The following NCBP1 variants were observed in gnomAD, a reference collection of about 807,000 sequenced individuals.
NCBP1 encodes nuclear cap-binding protein subunit 1.
A neutral mutation model predicts 111.7 loss-of-function variants in NCBP1; 16 were observed. The observed-to-expected ratio is 0.14, with a 90% confidence interval of 0.10 to 0.22. The LOEUF (loss-of-function observed/expected upper bound fraction) is 0.22, where lower values mean the gene tolerates loss of function less well. Ranked by LOEUF, NCBP1 falls within the 10% of genes least tolerant of loss-of-function variation. The pLI, the probability that NCBP1 is intolerant of heterozygous loss-of-function variation, is 1.00. For missense variants in NCBP1, 607 were observed against 957.5 expected, an observed-to-expected ratio of 0.63 and a Z score of 4.83; for synonymous variants, 304 against 314.3, an observed-to-expected ratio of 0.97 and a Z score of 0.35.
Position 97,652,089 on chromosome 9 carries a change from C to T in NCBP1, c.1059+716C>T, listed in dbSNP as rs375639205. Among the ~76,000 whole-genome samples, 18 of 152,260 alleles carry T rather than the reference C, an allele frequency of 1.2e-4. No homozygotes were observed. The East Asian group carries it at 1.4e-3, about 11-fold the overall frequency. ...CGTGATCTTGGCTCACTGCAGCCTC[C>T]GCCTCCGGGGTTCAAGCAATTCTTC... is the stretch of plus-strand genomic sequence containing the variant. On this transcript the variant is annotated intron_variant, in intron 10 of 22. Coordinates refer to ENST00000375147, the MANE Select transcript of NCBP1 (RefSeq NM_002486.5).
Position 97,669,623 on chromosome 9 carries a change from G to C in NCBP1, c.2176G>C (p.Val726Leu), listed in dbSNP as rs1310373726. 4 of 1,612,424 alleles carry C rather than the reference G, an allele frequency of 2.5e-6. No individual in the cohort carries two copies. The highest frequency in any genetic ancestry group is 1.7e-6 in the Non-Finnish European group (2 of 1,178,580). The change falls in exon 22 of 23, where the codon GTA becomes CTA. Residue 726 changes from valine to leucine, a missense_variant. Transcript: ENST00000375147. ...TATCATGATCTTGACCGAGCACCTA[G>C]TACGATGCGAAACTGATGGGACCAG... ...RFIMILTEHL[V>L]RCETDGTSVL...
intron 8 of NCBP1, among the ~76,000 whole-genome samples, chr9:97,648,641 T>G (rs1360938285): frequency 2.0e-5 from 3 of 152,226 alleles, no homozygotes; most frequent in South Asian, 4.1e-4. Flanking sequence ...GATTAAATTA[T>G]TCACATGTAA....
intron 14 of NCBP1, 118 bp from the exon 15 acceptor site, chr9:97,658,522 T>G: frequency 1.3e-6 from 1 of 759,416 alleles, no homozygotes; most frequent in Non-Finnish European, 2.2e-6. Context: ...TCCCTTTCAC[T>G]TCTTGGTTGT....
intron 4 of NCBP1, among the ~76,000 whole-genome samples, chr9:97,644,048 G>T (rs1827270383): frequency 6.6e-6 from 1 of 152,138 alleles, no homozygotes; most frequent in Admixed American, 6.6e-5. Flanking sequence ...TTCAGGAAGT[G>T]AATATTAAGA....
Position 97,668,989 on chromosome 9 carries a change from G to GATACATTTAT in NCBP1, c.2145+16_2145+17insTACATTTATA. ...TTATATTTCAGGTATCTTGGCTTGGGACATTTATACATAAAAGGAAACAAT... is the reference window on the plus strand; with the variant it reads ...TTATATTTCAGGTATCTTGGCTTGGGATACATTTATACATTTATACATAAAAGGAAACAAT... On this transcript the variant is annotated intron_variant, in intron 21 of 22. Coordinates refer to ENST00000375147, the MANE Select transcript of NCBP1 (RefSeq NM_002486.5). 6.3e-7 allele frequency: 1 copy of GATACATTTAT among 1,595,048 alleles called. No homozygotes were observed. Among genetic ancestry groups the GATACATTTAT allele is most frequent in the Middle Eastern group, 1.7e-4 (1 of 5,972 alleles).
chr9:97,664,981 C>T (rs73498399), intron 19 of NCBP1, among the ~76,000 whole-genome samples: 1,536 of 152,256 alleles, frequency 0.01, 26 homozygotes, highest in African/African-American at 0.035. Context: ...TTCCCCCTAA[C>T]GGAAAGAAAG....
At position 97,641,616 on chromosome 9, in the gene NCBP1, G is replaced by T; in HGVS notation, c.178G>T (p.Asp60Tyr). 1.2e-6 allele frequency: 2 copies of T among 1,609,842 alleles called. No individual in the cohort carries two copies. The highest frequency in any genetic ancestry group is 2.2e-5 in the South Asian group (2 of 90,944). The change falls in exon 3 of 23, where the codon GAT becomes TAT. Residue 60 changes from aspartate (D) to tyrosine (Y), a missense_variant. Transcript: ENST00000375147. ...LEGLAGVLEA[D>Y]LPNYKSKILR... ...AGGCTTGGCTGGTGTTTTGGAAGCT[G>T]ATCTTCCTAACTACAAGAGCAAGAT...
rs1310351646 is a variant in NCBP1, at chr9:97,666,870, A to G, written c.2009A>G (p.His670Arg). ...GCTAAAGAGAAACTTGCTAGGCAAC[A>G]CAAACGGGTAAGTTTTGTGTAAACT... ...EEAKEKLARQ[H>R]KRRSDDDDRS... Residue 670 changes from histidine (H) to arginine (R), a missense_variant, in exon 20 of 23, where the codon CAC becomes CGC. By Grantham distance (29) the His-to-Arg change is conservative. Coordinates refer to ENST00000375147, the MANE Select transcript of NCBP1 (RefSeq NM_002486.5). The G allele has an allele frequency of 6.3e-7, 1 of 1,597,314 alleles. No homozygotes were observed. Among genetic ancestry groups the G allele is most frequent in the Non-Finnish European group, 8.5e-7 (1 of 1,172,110 alleles).
chr9:97,649,301 G>T (rs1309239131), intron 8 of NCBP1, among the ~76,000 whole-genome samples: 1 of 152,008 alleles, frequency 6.6e-6, no homozygotes, highest in Non-Finnish European at 1.5e-5. Context: ...CCTGTGTATT[G>T]TAAGATGCTC....
In NCBP1 at chr9:97,645,745, C is replaced by G; in HGVS notation, c.611+13C>G. 1 of 1,612,380 alleles carries G rather than the reference C, an allele frequency of 6.2e-7. No individual in the cohort carries two copies. Among genetic ancestry groups the G allele is most frequent in the Non-Finnish European group, 8.5e-7 (1 of 1,178,936 alleles). ...AAAGCTATCTTAAGTAAGGGCACAG[C>G]TCATAGTACTCTTTGTTGCTTAGGT... On this transcript the variant is annotated intron_variant, in intron 6 of 22. Coordinates refer to ENST00000375147, the MANE Select transcript of NCBP1 (RefSeq NM_002486.5).
intron 15 of NCBP1, among the ~76,000 whole-genome samples, chr9:97,660,011 C>G (rs990579238): frequency 1.3e-5 from 2 of 152,196 alleles, no homozygotes; most frequent in Non-Finnish European, 2.9e-5. Flanking sequence ...TAGATTCTAG[C>G]CCAAGCTCAA....
chr9:97,634,060 C>A, intron 1 of NCBP1, 145 bp downstream of exon 1: 2 of 1,072,970 alleles, frequency 1.9e-6, no homozygotes, highest in South Asian at 1.7e-5. Context: ...AATATGGTGG[C>A]GGTGTGGTCG....
intron 17 of NCBP1, 64 bp from the exon 18 acceptor site, chr9:97,662,890 T>G: frequency 7.9e-7 from 1 of 1,263,320 alleles, no homozygotes; most frequent in Non-Finnish European, 1.1e-6. Flanking sequence ...GAAAAGGCTT[T>G]GAAAACACTA....
At chr9:97,648,743 G>T (rs1016836046) in intron 8 of NCBP1, among the ~76,000 whole-genome samples, 45 of 152,172 alleles carry the variant, frequency 3.0e-4, no homozygotes, top group Middle Eastern at 3.4e-3. Flanking sequence ...TCGAAATGGG[G>T]TCTTACTTTG....
chr9:97,669,866 G>T (rs990992145), intron 22 of NCBP1, 160 bp downstream of exon 22: 14 of 698,876 alleles, frequency 2.0e-5, no homozygotes, highest in Non-Finnish European at 3.1e-5. Context: ...AGAATATTTA[G>T]GCTTAAACTG....
chr9:97,669,391 T>C (rs1198661330), intron 21 of NCBP1, among the ~76,000 whole-genome samples: 1 of 152,230 alleles, frequency 6.6e-6, no homozygotes, highest in East Asian at 1.9e-4. Context: ...AAGGTCTTTA[T>C]GTATTGCCAG....
intron 11 of NCBP1, among the ~76,000 whole-genome samples, chr9:97,654,367 C>CT (rs1827583642): frequency 6.6e-6 from 1 of 152,168 alleles, no homozygotes; most frequent in Non-Finnish European, 1.5e-5. Context: ...CAAAAAAACA[C>CT]TTTCTTTGCT....
Position 97,668,886 on chromosome 9 carries a change from G to T in NCBP1, c.2057G>T (p.Gly686Val). Residue 686 changes from glycine to valine, a missense_variant, in exon 21 of 23, where the codon GGG becomes GTG. By Grantham distance (109) the Gly-to-Val change is moderately radical. This residue lies in a region of NCBP1 where 282 missense variants were observed against 376.5 expected (regional missense o/e 0.75). Coordinates refer to ENST00000375147, the MANE Select transcript of NCBP1 (RefSeq NM_002486.5). ...GACAGAAGCAGTGACAGGAAAGACG[G>T]GGTTCTTGAGGAACAAATAGAACGA... ...DDDRSSDRKDGVLEEQIERLQ... is the reference protein window; with the variant it reads ...DDDRSSDRKDVVLEEQIERLQ... 1.2e-6 allele frequency: 2 copies of T among 1,613,590 alleles called. No homozygotes were observed. Among genetic ancestry groups the T allele is most frequent in the Non-Finnish European group, 1.7e-6 (2 of 1,179,686 alleles).
intron 8 of NCBP1, among the ~76,000 whole-genome samples, 199 bp from the exon 9 acceptor site, chr9:97,650,304 A>C (rs1247862353): frequency 6.6e-6 from 1 of 152,180 alleles, no homozygotes; most frequent in Non-Finnish European, 1.5e-5. Flanking sequence ...GGTAGAAAAA[A>C]CACTACAGCT....
Sources: allele counts gnomAD v4.1 joint callset (sites outside exome capture counted in the v4.1 genomes callset), GRCh38; gene constraint gnomAD v4.1.1; regional missense constraint gnomAD v4.1.1; transcripts MANE v1.5; gene names NCBI Gene and HGNC (gene_info 2026-07-23, HGNC 2026-07-21).